The following CCDC9 variants were observed in gnomAD, a reference collection of about 807,000 sequenced individuals.
CCDC9 encodes coiled-coil domain containing 9.
In CCDC9, 52 loss-of-function variants were observed where a neutral mutation model predicts 65.6. That is an observed-to-expected ratio of 0.79 (90% CI 0.63 to 1.00). The LOEUF is 1.00. Ranked by LOEUF, CCDC9 falls within the 50% of genes least tolerant of loss-of-function variation. The pLI is 0.00. For missense variants in CCDC9, 834 were observed against 757.2 expected (o/e 1.10, Z -1.19); for synonymous variants, 332 against 280.3 (o/e 1.18, Z -1.84).
rs577530813 is a variant in CCDC9, at chr19:47,258,021, G to A, written c.-71-309G>A. ...ACCACAGGGTGTGGCGGCTGGCCTA[G>A]AATCAGCCTTTGGAGGAGAGCAGTG... On this transcript the variant is annotated intron_variant, in intron 1 of 11. Coordinates refer to ENST00000221922, the MANE Select transcript of CCDC9 (RefSeq NM_015603.3). 63 of 296,088 alleles carry A rather than the reference G, an allele frequency of 2.1e-4. No individual in the cohort carries two copies. In the South Asian group the frequency reaches 2.4e-3, roughly 11 times the overall value. 18.3% of individuals were successfully genotyped at this position (296,088 alleles called of 1,614,324 possible). A position where few individuals can be genotyped will look rare whatever the true frequency, so the allele number is the denominator to read the frequency against.
At position 47,266,602 on chromosome 19, in the gene CCDC9, G is replaced by T. The variant is rs750220803; in HGVS notation, c.721-9G>T. ...ACATCACCCTGACTCCCTGTGGGCT[G>T]GGGGGCAGGGCCGCCGAGCTGGCCT... On this transcript the variant is annotated splice_polypyrimidine_tract_variant and intron_variant, in intron 7 of 11. Transcript: ENST00000221922. The T allele has an allele frequency of 9.2e-6, 14 of 1,514,438 alleles. No individual in the cohort carries two copies. Among genetic ancestry groups the T allele is most frequent in the Non-Finnish European group, 1.2e-5 (14 of 1,124,496 alleles). The allele number at this position is 1,514,438 out of a possible 1,614,324, so 93.8% of individuals were successfully genotyped here. A position where few individuals can be genotyped will look rare whatever the true frequency, so the allele number is the denominator to read the frequency against.
downstream of CCDC9, chr19:47,275,117 C>A: frequency 6.7e-7 from 1 of 1,491,890 alleles, no homozygotes. Context: ...CACCCGCCGG[C>A]CCACAGCCCA....
Position 47,271,660 on chromosome 19 carries a change from G to A in CCDC9, c.1578G>A (p.Trp526Ter), listed in dbSNP as rs202085606. The part of the protein sequence containing the change: ...LAGALSPGEA[W>*]PFESV ...GCGCCCTCTCCCCGGGTGAGGCCTG[G>A]CCTTTTGAGAGTGTATGAAGCTGGC... The change falls in exon 12 of 12, where the codon TGG becomes TGA. Residue 526 changes from tryptophan (W) to a stop codon, truncating the protein, a stop_gained. Transcript: ENST00000221922. LOFTEE classifies it high-confidence loss of function. 1.8e-5 allele frequency: 28 copies of A among 1,595,140 alleles called. No homozygotes were observed. Among genetic ancestry groups the A allele is most frequent in the Non-Finnish European group, 2.2e-5 (26 of 1,171,256 alleles).
In CCDC9 at chr19:47,261,586, C is replaced by G. The variant is rs552794643; in HGVS notation, c.462+747C>G. Among the ~76,000 whole-genome samples the G allele has an allele frequency of 9.9e-5, 15 of 151,990 alleles. No homozygotes were observed. In the East Asian group the frequency reaches 2.1e-3, roughly 22 times the overall value. The stretch of plus-strand genomic sequence containing the variant: ...AATTAGCTGGACGTGGTGGTGGGCA[C>G]CTGTAATCCCAGCTACTTGGGAGGC... On this transcript the variant is annotated intron_variant, in intron 5 of 11. Coordinates refer to ENST00000221922, the MANE Select transcript of CCDC9 (RefSeq NM_015603.3).
Position 47,258,325 on chromosome 19 carries a change from C to T in CCDC9, c.-71-5C>T. ...CCTTTGTCCTTTTTTTCCCTCTGTC[C>T]CCAGGAACCCTCAGTGCTGCGTCTA... is the stretch of plus-strand genomic sequence containing the variant. On this transcript the variant is annotated splice_polypyrimidine_tract_variant and splice_region_variant and intron_variant, in intron 1 of 11. Transcript: ENST00000221922. 6.5e-7 allele frequency: 1 copy of T among 1,541,544 alleles called. No individual in the cohort carries two copies. The highest frequency in any genetic ancestry group is 9.0e-7 in the Non-Finnish European group (1 of 1,115,320).
downstream of CCDC9, chr19:47,275,041 C>G (rs756117594): frequency 6.7e-7 from 1 of 1,490,608 alleles, no homozygotes. Flanking sequence ...CTCTGCGTCT[C>G]GCTAGCTGCC....
downstream of CCDC9, chr19:47,273,473 G>A (rs2059136691): frequency 1.0e-6 from 1 of 980,910 alleles, no homozygotes; most frequent in African/African-American, 1.7e-5. Context: ...GCGCCCGCCG[G>A]ACCGCGGCCT....
At chr19:47,259,797 C>T (rs1179047973) in intron 3 of CCDC9, among the ~76,000 whole-genome samples, 2 of 152,150 alleles carry the variant, frequency 1.3e-5, no homozygotes, top group Admixed American at 6.5e-5. Flanking sequence ...AGACAGTGAG[C>T]GAGACGCATA....
At position 47,270,661 on chromosome 19, in the gene CCDC9, A is replaced by G. The variant is rs748090179; in HGVS notation, c.1058A>G (p.Gln353Arg). 18 of 1,611,976 alleles carry G rather than the reference A, an allele frequency of 1.1e-5. No homozygotes were observed. Among genetic ancestry groups the G allele is most frequent in the Middle Eastern group, 2.2e-4 (1 of 4,588 alleles). Residue 353 changes from glutamine (Q) to arginine (R), a missense_variant, in exon 10 of 12, where the codon CAG becomes CGG. Transcript: ENST00000221922. ...SRRRRKSSRP[Q>R]AKAAPRAYSD... The stretch of plus-strand genomic sequence containing the variant: ...AGAAGGAGAAAGAGCAGTCGGCCCC[A>G]GGCCAAGGCAGCGCCCAGGGCCTAC...
downstream of CCDC9, chr19:47,272,063 C>A: frequency 8.1e-7 from 1 of 1,236,352 alleles, no homozygotes; most frequent in Non-Finnish European, 1.0e-6. Context: ...GGCTCCCCTT[C>A]CCTAGGAGGT....
Position 47,270,451 on chromosome 19 carries a change from A to G in CCDC9, c.947A>G (p.Tyr316Cys), listed in dbSNP as rs756686739. The G allele has an allele frequency of 1.1e-5, 18 of 1,613,964 alleles. No individual in the cohort carries two copies. The East Asian group carries it at 1.6e-4, about 14-fold the overall frequency. The change falls in exon 9 of 12, where the codon TAT (tyrosine) becomes TGT (cysteine). Residue 316 changes from tyrosine (Y) to cysteine (C), a missense_variant and splice_region_variant. Tyr to Cys is a radical substitution (Grantham distance 194, BLOSUM62 -2). Coordinates refer to ENST00000221922, the MANE Select transcript of CCDC9 (RefSeq NM_015603.3). ...CCTGCCCATGAACCATCCCACCGCT[A>G]TGGTGAGTGGGTGCCCTTGGATGAG... ...PVPAHEPSHR[Y>C]DDQAWARPPK...
At chr19:47,259,801 A>AC (rs1262763715) in intron 3 of CCDC9, among the ~76,000 whole-genome samples, 1 of 152,174 alleles carries the variant, frequency 6.6e-6, no homozygotes, top group Non-Finnish European at 1.5e-5. Context: ...AGTGAGCGAG[A>AC]CGCATATGGT....
chr19:47,275,652 C>T (rs2059155958), downstream of CCDC9: 4 of 443,152 alleles, frequency 9.0e-6, no homozygotes, highest in South Asian at 1.7e-4. Flanking sequence ...TCTTCACCTC[C>T]CTGAATCCGT....
At chr19:47,265,046 T>A in intron 7 of CCDC9, 100 bp downstream of exon 7, 1 of 1,084,382 alleles carries the variant, frequency 9.2e-7, no homozygotes, top group Non-Finnish European at 1.2e-6. Flanking sequence ...CTCTCCTTTT[T>A]TGTGCCACAG....
chr19:47,260,092 C>T lies in CCDC9; in HGVS notation c.109-229C>T, dbSNP rs185955474. On this transcript the variant is annotated intron_variant, in intron 3 of 11. Coordinates refer to ENST00000221922, the MANE Select transcript of CCDC9 (RefSeq NM_015603.3). The stretch of plus-strand genomic sequence containing the variant: ...TCGGGGAGGTACCAAGGCCAGACCC[C>T]ACGGGTCCCACAGGCTGTGGGGAAG... Among the ~76,000 whole-genome samples the T allele has an allele frequency of 1.1e-4, 17 of 152,272 alleles. No homozygotes were observed. In the East Asian group the frequency reaches 2.3e-3, roughly 21 times the overall value.
At chr19:47,256,854 G>C (rs1600272790) in intron 1 of CCDC9, among the ~76,000 whole-genome samples, 1 of 152,036 alleles carries the variant, frequency 6.6e-6, no homozygotes, top group Non-Finnish European at 1.5e-5. Context: ...AGTTGTGGCT[G>C]GACTGTGGGC....
Position 47,271,688 on chromosome 19 carries a change from C to CGTGTGTGT in CCDC9, c.*10_*11insGTGTGTGT, listed in dbSNP as rs1555803412. 7 of 1,367,678 alleles carry CGTGTGTGT rather than the reference C, an allele frequency of 5.1e-6. No individual in the cohort carries two copies. Among genetic ancestry groups the CGTGTGTGT allele is most frequent in the African/African-American group, 1.6e-5 (1 of 62,660 alleles). 84.7% of individuals were successfully genotyped at this position (1,367,678 alleles called of 1,614,324 possible). On this transcript the variant is annotated 3_prime_UTR_variant, in exon 12 of 12. Coordinates refer to ENST00000221922, the MANE Select transcript of CCDC9 (RefSeq NM_015603.3). ...TTTTGAGAGTGTATGAAGCTGGCTG[C>CGTGTGTGT]CTGTGTGTGTGTGTGTGTGTGTGTG... is the stretch of plus-strand genomic sequence containing the variant.
At chr19:47,258,499 A>G in intron 2 of CCDC9, 60 bp from the exon 3 acceptor site, 1 of 1,604,220 alleles carries the variant, frequency 6.2e-7, no homozygotes, top group Non-Finnish European at 8.5e-7. Context: ...ACCCTGGGGG[A>G]AAGTCCCTGG....
chr19:47,267,467 C>A (rs2059089795), intron 8 of CCDC9, among the ~76,000 whole-genome samples: 1 of 152,152 alleles, frequency 6.6e-6, no homozygotes, highest in Non-Finnish European at 1.5e-5. Flanking sequence ...CTGATCCAGG[C>A]TGGACGCTAA....
Sources: allele counts gnomAD v4.1 joint callset (sites outside exome capture counted in the v4.1 genomes callset), GRCh38; gene constraint gnomAD v4.1.1; transcripts MANE v1.5; gene names NCBI Gene and HGNC (gene_info 2026-07-23, HGNC 2026-07-21).